WWOX: variants seen among roughly 807,000 people sequenced by gnomAD.
WWOX encodes the protein WW domain containing oxidoreductase.
Under a neutral mutation model 46.2 loss-of-function variants are expected in WWOX, and 69 were observed. That is an observed-to-expected ratio of 1.49 (90% CI 1.23 to 1.82). The LOEUF (loss-of-function observed/expected upper bound fraction) is 1.82, where lower values mean the gene tolerates loss of function less well. WWOX is among the 40% of genes most tolerant of loss of function. The pLI, the probability that WWOX is intolerant of heterozygous loss-of-function variation, is 0.00. For missense variants in WWOX, 919 were observed against 542.6 expected, an observed-to-expected ratio of 1.69 and a Z score of -6.89; for synonymous variants, 359 against 202.6, an observed-to-expected ratio of 1.77 and a Z score of -6.56.
intron 8 of WWOX, among the ~76,000 whole-genome samples, chr16:78,478,060 A>G (rs940265122): frequency 2.6e-5 from 4 of 152,220 alleles, no homozygotes; most frequent in South Asian, 2.1e-4. Flanking sequence ...TTCGTAATCA[A>G]TAAGAACACA....
At chr16:78,778,595 A>C (rs1440903846) in intron 8 of WWOX, among the ~76,000 whole-genome samples, 1 of 152,142 alleles carries the variant, frequency 6.6e-6, no homozygotes, top group Non-Finnish European at 1.5e-5. Flanking sequence ...ATGAAATTCA[A>C]GGTGTGGTCT....
intron 1 of WWOX, among the ~76,000 whole-genome samples, chr16:78,108,147 C>A (rs56226071): frequency 1.3e-4 from 19 of 151,404 alleles, no homozygotes; most frequent in African/African-American, 4.6e-4. Context: ...AGGATGGTCT[C>A]CATCTCCTGA....
At chr16:78,986,646 C>T (rs1393024905) in intron 8 of WWOX, among the ~76,000 whole-genome samples, 1 of 152,172 alleles carries the variant, frequency 6.6e-6, no homozygotes, top group South Asian at 2.1e-4. Context: ...CTGTTTTTCT[C>T]CCAAGAATGG....
rs556175616 is a variant in WWOX at position 79,093,767 on chromosome 16, A to G, written c.1057-117841A>G. Among the ~76,000 whole-genome samples, 2 of 152,200 alleles carry G rather than the reference A, an allele frequency of 1.3e-5. 1 individual carries two copies. Among genetic ancestry groups the G allele is most frequent in the South Asian group, 4.1e-4 (2 of 4,832 alleles). On this transcript the variant is annotated intron_variant, in intron 8 of 8. Transcript: ENST00000566780. Reference sequence around the variant, plus strand: ...TTAAACTTGTTCCTCTTCTCCAATCATTGATACTTTTCTCTCTTGCTTCCC... The same window carrying G: ...TTAAACTTGTTCCTCTTCTCCAATCGTTGATACTTTTCTCTCTTGCTTCCC...
At chr16:78,423,834 A>G (rs1431896705) in intron 6 of WWOX, among the ~76,000 whole-genome samples, 1 of 148,914 alleles carries the variant, frequency 6.7e-6, no homozygotes, top group African/African-American at 2.5e-5. Flanking sequence ...TGACAGAGAA[A>G]GATCTTGTCA....
At chr16:79,116,900 A>G (rs1217265305) in intron 8 of WWOX, among the ~76,000 whole-genome samples, 2 of 152,092 alleles carry the variant, frequency 1.3e-5, no homozygotes, top group African/African-American at 4.8e-5. Flanking sequence ...TTTCTTTAAT[A>G]ATAATACTTG....
At chr16:78,616,969 A>T (rs2046040885) in intron 8 of WWOX, among the ~76,000 whole-genome samples, 1 of 152,168 alleles carries the variant, frequency 6.6e-6, no homozygotes, top group African/African-American at 2.4e-5. Context: ...CAAGAGACAC[A>T]TGTCAGATAG....
At chr16:78,794,566 C>T (rs183285205) in intron 8 of WWOX, among the ~76,000 whole-genome samples, 1 of 152,196 alleles carries the variant, frequency 6.6e-6, no homozygotes, top group East Asian at 1.9e-4. Flanking sequence ...GGTAATAACC[C>T]TAATACCTCT....
chr16:79,021,075 C>G (rs373437851), intron 8 of WWOX, among the ~76,000 whole-genome samples: 7 of 152,280 alleles, frequency 4.6e-5, no homozygotes, highest in African/African-American at 1.7e-4. Flanking sequence ...TCATTTACCT[C>G]ATTCAAAATG....
intron 8 of WWOX, among the ~76,000 whole-genome samples, chr16:78,852,460 C>A (rs114147440): frequency 0.014 from 2,198 of 152,262 alleles, 55 homozygotes; most frequent in African/African-American, 0.05. Context: ...AATCAGGCTT[C>A]CAACAGTCAG....
intron 6 of WWOX, among the ~76,000 whole-genome samples, chr16:78,388,061 A>G (rs778095159): frequency 6.6e-6 from 1 of 152,142 alleles, no homozygotes; most frequent in Non-Finnish European, 1.5e-5. Context: ...TTCTCCTTGC[A>G]TGGCTGTGTC....
intron 8 of WWOX, among the ~76,000 whole-genome samples, chr16:78,781,657 C>A (rs139695307): frequency 6.6e-6 from 1 of 152,254 alleles, no homozygotes; most frequent in South Asian, 2.1e-4. Context: ...CTTGGTGGCT[C>A]ATGCCTCTAA....
At chr16:78,115,786 A>G (rs531699299) in intron 4 of WWOX, among the ~76,000 whole-genome samples, 4 of 152,166 alleles carry the variant, frequency 2.6e-5, no homozygotes, top group Admixed American at 2.0e-4. Flanking sequence ...ATAGGATTTT[A>G]TTCTGATTTT....
chr16:78,878,770 C>G (rs549018259), intron 8 of WWOX, among the ~76,000 whole-genome samples: 1 of 151,926 alleles, frequency 6.6e-6, no homozygotes, highest in African/African-American at 2.4e-5. Flanking sequence ...TTGAAATTTA[C>G]CAGGCCAGGC....
chr16:78,780,350 G>C (rs1398498508), intron 8 of WWOX: 1 of 151,956 alleles, frequency 6.6e-6, no homozygotes, highest in Non-Finnish European at 1.5e-5. Flanking sequence ...TCATTCACTG[G>C]TTGATTAATT....
At chr16:78,619,473 T>A (rs2151641703) in intron 8 of WWOX, among the ~76,000 whole-genome samples, 1 of 151,364 alleles carries the variant, frequency 6.6e-6, no homozygotes, top group East Asian at 2.0e-4. Flanking sequence ...ACCCACATGT[T>A]ATACACAGAA....
intron 2 of WWOX, 45 bp downstream of exon 2, chr16:78,108,532 A>C: frequency 6.2e-7 from 1 of 1,604,614 alleles, no homozygotes; most frequent in South Asian, 1.1e-5. Context: ...AGCATTAAGT[A>C]GATGAGGAAA....
At chr16:78,791,834 C>T (rs189404150) in intron 8 of WWOX, among the ~76,000 whole-genome samples, 41 of 152,202 alleles carry the variant, frequency 2.7e-4, no homozygotes, top group Middle Eastern at 3.4e-3. Context: ...GAGCCGAGAT[C>T]GCGCCACTGC....
At chr16:79,068,820 C>CAATAAT (rs61494401) in intron 8 of WWOX, among the ~76,000 whole-genome samples, 3,519 of 138,464 alleles carry the variant, frequency 0.025, 47 homozygotes, top group Non-Finnish European at 0.03. Context: ...CAAAAAAACC[C>CAATAAT]AATAATAATA....
Sources: allele counts gnomAD v4.1 joint callset (sites outside exome capture counted in the v4.1 genomes callset), GRCh38; gene constraint gnomAD v4.1.1; transcripts MANE v1.5; gene names NCBI Gene and HGNC (gene_info 2026-07-23, HGNC 2026-07-21).